ALPK1: variants seen among roughly 807,000 people sequenced by gnomAD.
ALPK1 encodes the protein alpha-protein kinase 1.
ALPK1 carries 110 observed loss-of-function variants against 120.6 expected under a neutral mutation model. The ratio of observed to expected loss-of-function variants is 0.91; its 90% CI spans 0.78 to 1.07. The LOEUF (loss-of-function observed/expected upper bound fraction) is 1.07. Ranked by LOEUF, ALPK1 falls within the 50% of genes least tolerant of loss-of-function variation. ALPK1 has a pLI of 0.00. For missense variants in ALPK1, 1,498 were observed against 1,483.9 expected (o/e 1.01, Z -0.16); for synonymous variants, 582 against 560.3 (o/e 1.04, Z -0.55).
intron 2 of ALPK1, among the ~76,000 whole-genome samples, chr4:112,377,380 C>T (rs1731712498): frequency 6.6e-6 from 1 of 152,104 alleles, no homozygotes. Flanking sequence ...ATGTGAAGTA[C>T]GCAGAAGATA....
At chr4:112,338,762 T>C (rs1407669131) in intron 2 of ALPK1, among the ~76,000 whole-genome samples, 2 of 152,332 alleles carry the variant, frequency 1.3e-5, no homozygotes, top group East Asian at 3.9e-4. Flanking sequence ...AATATAGATA[T>C]TGCCAGCATT....
At chr4:112,420,044 T>C (rs1733922177) in intron 5 of ALPK1, among the ~76,000 whole-genome samples, 1 of 152,222 alleles carries the variant, frequency 6.6e-6, no homozygotes. Context: ...CCTGGCACAA[T>C]TCAAACATGT....
intron 2 of ALPK1, among the ~76,000 whole-genome samples, chr4:112,322,539 G>A (rs563745697): frequency 6.6e-6 from 1 of 152,184 alleles, no homozygotes; most frequent in Middle Eastern, 3.2e-3. Flanking sequence ...CTATGTGCTA[G>A]GAGTTATTCA....
chr4:112,354,187 C>T (rs1011486003), intron 2 of ALPK1, among the ~76,000 whole-genome samples: 1 of 151,806 alleles, frequency 6.6e-6, no homozygotes, highest in Non-Finnish European at 1.5e-5. Flanking sequence ...TGTCATTTTA[C>T]TAATCAGAAG....
At chr4:112,306,039 G>A (rs184109685) in intron 1 of ALPK1, among the ~76,000 whole-genome samples, 98 of 152,138 alleles carry the variant, frequency 6.4e-4, no homozygotes, top group African/African-American at 2.3e-3. Flanking sequence ...CTATTTATAT[G>A]CTGGATTACA....
chr4:112,375,000 A>C (rs1254150792), intron 2 of ALPK1, among the ~76,000 whole-genome samples: 2 of 152,138 alleles, frequency 1.3e-5, no homozygotes, highest in Admixed American at 1.3e-4. Context: ...AAGTAAAGCC[A>C]CCAGCTGCAT....
At chr4:112,394,402 T>C (rs1440279503) in intron 4 of ALPK1, among the ~76,000 whole-genome samples, 1 of 152,236 alleles carries the variant, frequency 6.6e-6, no homozygotes, top group African/African-American at 2.4e-5. Context: ...ACATTATAGG[T>C]CTTGTTTTGA....
At chr4:112,356,534 G>A (rs1455093597) in intron 2 of ALPK1, 1 of 849,410 alleles carries the variant, frequency 1.2e-6, no homozygotes, top group Admixed American at 1.7e-5. Context: ...GGCCTGAGGT[G>A]TGTGTGCTGG....
At chr4:112,440,777 C>A in intron 14 of ALPK1, 140 bp from the exon 15 acceptor site, 1 of 1,379,184 alleles carries the variant, frequency 7.3e-7, no homozygotes, top group South Asian at 1.8e-5. Flanking sequence ...TAACTATAAA[C>A]CACAGGATGG....
intron 4 of ALPK1, chr4:112,383,739 C>T (rs1045219719): frequency 1.1e-4 from 17 of 152,166 alleles, no homozygotes; most frequent in African/African-American, 3.9e-4. Context: ...GATTCAGATG[C>T]TCTTTGACTT....
chr4:112,309,818 T>C (rs1467166306), intron 1 of ALPK1, among the ~76,000 whole-genome samples: 1 of 152,118 alleles, frequency 6.6e-6, no homozygotes, highest in African/African-American at 2.4e-5. Context: ...TGGCCTATTT[T>C]ATTTCTAAGA....
chr4:112,369,253 C>T (rs1290683579), intron 2 of ALPK1, among the ~76,000 whole-genome samples: 1 of 152,120 alleles, frequency 6.6e-6, no homozygotes, highest in African/African-American at 2.4e-5. Flanking sequence ...GCCTGTTACC[C>T]AATAATATCT....
At chr4:112,403,987 C>G (rs1578541488) in intron 4 of ALPK1, among the ~76,000 whole-genome samples, 1 of 152,246 alleles carries the variant, frequency 6.6e-6, no homozygotes, top group African/African-American at 2.4e-5. Context: ...CCATTGGCGA[C>G]AGCCAAAAGC....
At chr4:112,368,154 G>C (rs1384965687) in intron 2 of ALPK1, among the ~76,000 whole-genome samples, 1 of 152,170 alleles carries the variant, frequency 6.6e-6, no homozygotes, top group Admixed American at 6.5e-5. Flanking sequence ...CTGACCTCAA[G>C]TGATCCACCC....
Position 112,418,526 on chromosome 4 carries a change from A to G in ALPK1, c.476-5418A>G, listed in dbSNP as rs1484018441. The stretch of plus-strand genomic sequence containing the variant: ...TATGAAAGCCTGTGTTGTAGGAGTC[A>G]GGCATTTAGGAAGTGGTACCCGCAG... On this transcript the variant is annotated intron_variant, in intron 5 of 15. Coordinates refer to ENST00000650871, the MANE Select transcript of ALPK1 (RefSeq NM_025144.4). 4.6e-5 allele frequency among the ~76,000 whole-genome samples: 7 copies of G among 152,304 alleles called. No individual in the cohort carries two copies. In the East Asian group the frequency reaches 9.6e-4, roughly 21 times the overall value.
At chr4:112,367,079 C>T (rs1247241332) in intron 2 of ALPK1, among the ~76,000 whole-genome samples, 1 of 152,192 alleles carries the variant, frequency 6.6e-6, no homozygotes, top group Non-Finnish European at 1.5e-5. Context: ...GAATAAAAGA[C>T]TACACATTGG....
chr4:112,329,995 A>C (rs1377534043), intron 2 of ALPK1, among the ~76,000 whole-genome samples: 1 of 152,248 alleles, frequency 6.6e-6, no homozygotes, highest in Non-Finnish European at 1.5e-5. Flanking sequence ...AAAGGAATTG[A>C]AGTGACATGC....
chr4:112,389,364 T>C (rs1339089981), intron 4 of ALPK1, among the ~76,000 whole-genome samples: 1 of 152,176 alleles, frequency 6.6e-6, no homozygotes, highest in Non-Finnish European at 1.5e-5. Flanking sequence ...TTTAAGATGT[T>C]GAGATACCAG....
At chr4:112,376,018 A>G (rs1309506937) in intron 2 of ALPK1, among the ~76,000 whole-genome samples, 1 of 152,230 alleles carries the variant, frequency 6.6e-6, no homozygotes, top group Non-Finnish European at 1.5e-5. Flanking sequence ...TCAGTGGAGC[A>G]GTCAGAAGAC....
Sources: allele counts gnomAD v4.1 joint callset (sites outside exome capture counted in the v4.1 genomes callset), GRCh38; gene constraint gnomAD v4.1.1; transcripts MANE v1.5; gene names NCBI Gene and HGNC (gene_info 2026-07-23, HGNC 2026-07-21).